The following FOXN3 variants were observed in gnomAD, a reference collection of about 807,000 sequenced individuals.
The protein encoded by FOXN3 is forkhead box N3, also known as forkhead box protein N3.
FOXN3 carries 7 observed loss-of-function variants against 38.4 expected under a neutral mutation model. The ratio of observed to expected loss-of-function variants is 0.18; its 90% CI spans 0.10 to 0.34. The LOEUF (loss-of-function observed/expected upper bound fraction) is 0.34. Among genes scored for constraint, FOXN3 ranks in the 10% least tolerant of loss-of-function variants. FOXN3 has a pLI of 1.00. For synonymous variants in FOXN3, 230 were observed against 242.2 expected, an observed-to-expected ratio of 0.95 and a Z score of 0.47; for missense variants, 456 against 613.4, an observed-to-expected ratio of 0.74 and a Z score of 2.71.
intron 3 of FOXN3, among the ~76,000 whole-genome samples, chr14:89,301,597 G>A (rs368809972): frequency 5.2e-4 from 79 of 152,090 alleles, no homozygotes; most frequent in African/African-American, 1.8e-3. Flanking sequence ...GTGAAAGCCC[G>A]TCTCTACTAA....
intron 1 of FOXN3, among the ~76,000 whole-genome samples, chr14:89,611,805 CAAAAAAAAAA>C (rs56373132): frequency 1.1e-5 from 1 of 89,298 alleles, no homozygotes; most frequent in Non-Finnish European, 2.2e-5. Context: ...GACTCCGTCT[CAAAAAAAAAA>C]AAAAAAAAAA....
At chr14:89,347,062 A>G (rs1888781140) in intron 3 of FOXN3, among the ~76,000 whole-genome samples, 1 of 146,430 alleles carries the variant, frequency 6.8e-6, no homozygotes, top group Non-Finnish European at 1.5e-5. Flanking sequence ...TTCTCCATAT[A>G]TTCATCAGCA....
At chr14:89,576,004 C>T (rs907971706) in intron 1 of FOXN3, among the ~76,000 whole-genome samples, 2 of 152,324 alleles carry the variant, frequency 1.3e-5, no homozygotes, top group African/African-American at 2.4e-5. Context: ...CAAGGTCTCA[C>T]GGAAGCAAAT....
At chr14:89,573,762 A>G (rs1220863957) in intron 1 of FOXN3, among the ~76,000 whole-genome samples, 1 of 152,214 alleles carries the variant, frequency 6.6e-6, no homozygotes, top group East Asian at 1.9e-4. Flanking sequence ...TGCTGTGCCT[A>G]AAGGCCACAA....
At chr14:89,305,573 A>C (rs1370450081) in intron 3 of FOXN3, among the ~76,000 whole-genome samples, 1 of 152,250 alleles carries the variant, frequency 6.6e-6, no homozygotes, top group Non-Finnish European at 1.5e-5. Flanking sequence ...ACAAGACAAA[A>C]GAATTTACAG....
intron 1 of FOXN3, among the ~76,000 whole-genome samples, chr14:89,598,967 C>A (rs1896107731): frequency 6.6e-6 from 1 of 152,116 alleles, no homozygotes; most frequent in Admixed American, 6.6e-5. Context: ...ACTATCTCAG[C>A]TATTTTTTTC....
At position 89,267,407 on chromosome 14, in the gene FOXN3, G is replaced by A. The variant is rs577021893; in HGVS notation, c.745+13543C>T. On this transcript the variant is annotated intron_variant, in intron 4 of 5. Coordinates refer to ENST00000557258, the MANE Select transcript of FOXN3 (RefSeq NM_005197.4). ...ACAGGGAAGCAGCTGCCTTCGCTAG[G>A]TTAGGTGGCTCACCAGGTAGACCAG... 3.3e-5 allele frequency among the ~76,000 whole-genome samples: 5 copies of A among 152,260 alleles called. No individual in the cohort carries two copies. In the East Asian group the frequency reaches 9.7e-4, roughly 29 times the overall value.
intron 3 of FOXN3, among the ~76,000 whole-genome samples, chr14:89,308,096 C>T (rs1887429820): frequency 6.6e-6 from 1 of 152,130 alleles, no homozygotes; most frequent in Admixed American, 6.5e-5. Flanking sequence ...GAAACCCTGT[C>T]TCTACCAAAA....
chr14:89,382,220 T>G (rs1416488880), intron 2 of FOXN3, among the ~76,000 whole-genome samples: 1 of 152,166 alleles, frequency 6.6e-6, no homozygotes, highest in African/African-American at 2.4e-5. Context: ...ACAGTAGGTC[T>G]GGTGTCACCA....
At chr14:89,336,077 T>C (rs1245434525) in intron 3 of FOXN3, among the ~76,000 whole-genome samples, 2 of 151,858 alleles carry the variant, frequency 1.3e-5, no homozygotes, top group Non-Finnish European at 2.9e-5. Context: ...CCTAAAATAT[T>C]GTGTGATTCT....
At chr14:89,242,832 C>T (rs544115732) in intron 4 of FOXN3, among the ~76,000 whole-genome samples, 5 of 152,238 alleles carry the variant, frequency 3.3e-5, no homozygotes, top group African/African-American at 1.2e-4. Flanking sequence ...ATAATAAAAA[C>T]AATCCAAGAA....
intron 2 of FOXN3, among the ~76,000 whole-genome samples, chr14:89,382,658 G>GT (rs1890680617): frequency 6.6e-6 from 1 of 152,220 alleles, no homozygotes; most frequent in Non-Finnish European, 1.5e-5. Context: ...TCCTAGCTGT[G>GT]TCACCTGTGA....
upstream of FOXN3, among the ~76,000 whole-genome samples, chr14:89,420,578 C>G (rs1462306921): frequency 6.6e-6 from 1 of 152,150 alleles, no homozygotes. Flanking sequence ...TGCTTACAAA[C>G]TGCTGTTCCA....
chr14:89,284,989 C>G (rs11159895), intron 3 of FOXN3, among the ~76,000 whole-genome samples: 58,545 of 151,898 alleles, frequency 0.39, 11,495 homozygotes, highest in African/African-American at 0.47. Context: ...GTCAACAGGT[C>G]GGACAGCCTG....
At chr14:89,479,440 T>C (rs1051728899) in intron 1 of FOXN3, among the ~76,000 whole-genome samples, 2 of 152,204 alleles carry the variant, frequency 1.3e-5, no homozygotes, top group Non-Finnish European at 2.9e-5. Context: ...CCAAAATGGC[T>C]TATGATGAGC....
intron 5 of FOXN3, among the ~76,000 whole-genome samples, chr14:89,179,005 T>C (rs1398838467): frequency 6.6e-6 from 1 of 152,182 alleles, no homozygotes; most frequent in Non-Finnish European, 1.5e-5. Context: ...GGAAAGATTT[T>C]AAGAAAGAAT....
intron 1 of FOXN3, among the ~76,000 whole-genome samples, chr14:89,450,770 A>G (rs1892599178): frequency 6.6e-6 from 1 of 152,108 alleles, no homozygotes. Flanking sequence ...TATTTTTAGT[A>G]GAGACGGGGT....
At chr14:89,360,376 G>A (rs971601678) in intron 2 of FOXN3, among the ~76,000 whole-genome samples, 1 of 146,430 alleles carries the variant, frequency 6.8e-6, no homozygotes, top group African/African-American at 2.5e-5. Flanking sequence ...GAGGGAGAAA[G>A]GGAAAGGGAG....
At chr14:89,540,950 A>G (rs1894780945) in intron 1 of FOXN3, among the ~76,000 whole-genome samples, 1 of 151,740 alleles carries the variant, frequency 6.6e-6, no homozygotes, top group Admixed American at 6.6e-5. Flanking sequence ...TTGCAACATG[A>G]AGGAACTGAA....
Sources: allele counts gnomAD v4.1 joint callset (sites outside exome capture counted in the v4.1 genomes callset), GRCh38; gene constraint gnomAD v4.1.1; transcripts MANE v1.5; gene names NCBI Gene and HGNC (gene_info 2026-07-23, HGNC 2026-07-21).